Variants in CDKN2B-AS1 observed in about 807,000 individuals in gnomAD.
The protein encoded by CDKN2B-AS1 is CDKN2B and CDKN2A antisense cis and trans regulatory RNA 1.
intron 1 of CDKN2B-AS1, among the ~76,000 whole-genome samples, chr9:22,016,436 G>T (rs910903561): frequency 3.9e-5 from 6 of 152,082 alleles, no homozygotes; most frequent in Non-Finnish European, 5.9e-5. Flanking sequence ...TCACAGAATT[G>T]GAAAAAACTA....
In CDKN2B-AS1 at chr9:22,029,894, A is replaced by G. The variant is rs149253047; in HGVS notation, n.30-16857A>G. ...GGATAATTTAAGTATAGAAAGTAAT[A>G]TTTTCTATATGGGACTATTTCACTC... On this transcript the variant is annotated intron_variant and non_coding_transcript_variant, in intron 1 of 4. Coordinates refer to ENST00000650946, the Ensembl canonical transcript of CDKN2B-AS1. The G allele has an allele frequency of 1.1e-3, 182 of 165,328 alleles. 1 individual carries two copies. Among genetic ancestry groups the G allele is most frequent in the South Asian group, 8.4e-3 (47 of 5,588 alleles). 10.2% of individuals were successfully genotyped at this position (165,328 alleles called of 1,614,324 possible).
chr9:22,007,458 T>A (rs538080076), intron 1 of CDKN2B-AS1, among the ~76,000 whole-genome samples: 1 of 152,334 alleles, frequency 6.6e-6, no homozygotes, highest in Admixed American at 6.5e-5. Flanking sequence ...GCAGGAGTAA[T>A]CCTGTAGCAG....
intron 1 of CDKN2B-AS1, among the ~76,000 whole-genome samples, chr9:22,020,961 C>T (rs1017855743): frequency 5.3e-5 from 8 of 152,180 alleles, no homozygotes; most frequent in Non-Finnish European, 8.8e-5. Flanking sequence ...TACCTATGTT[C>T]TGAATGGTAC....
intron 4 of CDKN2B-AS1, among the ~76,000 whole-genome samples, chr9:22,089,349 A>G (rs1824982636): frequency 6.6e-6 from 1 of 152,350 alleles, no homozygotes; most frequent in South Asian, 2.1e-4. Flanking sequence ...ACAAATGTTA[A>G]AAGAATTAGA....
intron 4 of CDKN2B-AS1, chr9:22,062,081 G>A (rs1823844285): frequency 6.6e-6 from 1 of 152,158 alleles, no homozygotes; most frequent in African/African-American, 2.4e-5. Flanking sequence ...TACTGACGTT[G>A]TGAGTGAAAT....
At chr9:21,998,419 C>T (rs896550542) in intron 1 of CDKN2B-AS1, among the ~76,000 whole-genome samples, 2 of 152,204 alleles carry the variant, frequency 1.3e-5, no homozygotes, top group Non-Finnish European at 1.5e-5. Flanking sequence ...CCTAGAAAGG[C>T]TCAAATCTTG....
At chr9:22,059,062 T>A (rs115574830) in intron 4 of CDKN2B-AS1, 12,658 of 152,474 alleles carry the variant, frequency 0.083, 538 homozygotes, top group Middle Eastern at 0.12. Flanking sequence ...AAGGTGAGAT[T>A]TGGTGGGGAT....
rs188490343 is a variant in CDKN2B-AS1, at chr9:22,028,648, A to G, written n.30-18103A>G. On this transcript the variant is annotated intron_variant and non_coding_transcript_variant, in intron 1 of 4. Transcript: ENST00000650946. ...ATCAAAAGTTAAGAAAAAAATATGAAGGCAATTTTAAGGTGTTTAATTTGG... is the reference window on the plus strand; with the variant it reads ...ATCAAAAGTTAAGAAAAAAATATGAGGGCAATTTTAAGGTGTTTAATTTGG... Among the ~76,000 whole-genome samples, 55 of 152,284 alleles carry G rather than the reference A, an allele frequency of 3.6e-4. No homozygotes were observed. In the East Asian group the frequency reaches 9.5e-3, roughly 26 times the overall value.
At chr9:22,027,365 A>G (rs1336486896) in intron 1 of CDKN2B-AS1, among the ~76,000 whole-genome samples, 1 of 152,196 alleles carries the variant, frequency 6.6e-6, no homozygotes, top group African/African-American at 2.4e-5. Context: ...TAAAATTCAC[A>G]TTCAAATGCA....
At chr9:22,049,259 G>A (rs1395519999) in intron 3 of CDKN2B-AS1, 1 of 152,110 alleles carries the variant, frequency 6.6e-6, no homozygotes, top group African/African-American at 2.4e-5. Flanking sequence ...TTTTAGATAT[G>A]AACCCTAATT....
At chr9:22,045,532 A>G (rs533755381) in intron 1 of CDKN2B-AS1, among the ~76,000 whole-genome samples, 6 of 152,220 alleles carry the variant, frequency 3.9e-5, no homozygotes, top group African/African-American at 1.2e-4. Context: ...GTTTAGCTTC[A>G]CTAAACTAGT....
intron 4 of CDKN2B-AS1, among the ~76,000 whole-genome samples, chr9:22,076,254 A>G (rs1181967982): frequency 6.6e-6 from 1 of 152,072 alleles, no homozygotes; most frequent in African/African-American, 2.4e-5. Context: ...GGGTTTCACC[A>G]TGTTGGCCCG....
At chr9:22,027,485 T>TTC (rs1056999263) in intron 1 of CDKN2B-AS1, among the ~76,000 whole-genome samples, 1 of 152,218 alleles carries the variant, frequency 6.6e-6, no homozygotes, top group African/African-American at 2.4e-5. Flanking sequence ...TCGAAAATTT[T>TTC]TCTCTCTATT....
intron 4 of CDKN2B-AS1, among the ~76,000 whole-genome samples, chr9:22,061,359 T>C (rs1385049727): frequency 6.6e-6 from 1 of 152,154 alleles, no homozygotes; most frequent in Non-Finnish European, 1.5e-5. Context: ...AATAAGCAAA[T>C]AAATTCAATT....
intron 1 of CDKN2B-AS1, chr9:22,046,553 G>T (rs1823116164): frequency 6.6e-6 from 1 of 152,138 alleles, no homozygotes; most frequent in African/African-American, 2.4e-5. Context: ...ATCTGTACTA[G>T]AATTGAAAGG....
chr9:22,060,046 C>A (rs546283256), intron 4 of CDKN2B-AS1, among the ~76,000 whole-genome samples: 1 of 152,274 alleles, frequency 6.6e-6, no homozygotes, highest in East Asian at 1.9e-4. Context: ...ATGGGAGGGG[C>A]TGCCATGAAG....
At chr9:22,109,786 G>A (rs1472188936) in intron 4 of CDKN2B-AS1, among the ~76,000 whole-genome samples, 1 of 152,076 alleles carries the variant, frequency 6.6e-6, no homozygotes, top group Non-Finnish European at 1.5e-5. Context: ...GCTTTATTGT[G>A]GGGAACCTAA....
intron 1 of CDKN2B-AS1, chr9:22,008,737 G>A (rs200266212): frequency 2.5e-6 from 4 of 1,610,586 alleles, no homozygotes; most frequent in South Asian, 2.2e-5. Context: ...GCCCCGATCC[G>A]CCGAGGCCGC....
intron 1 of CDKN2B-AS1, among the ~76,000 whole-genome samples, chr9:22,019,202 C>A (rs1048702192): frequency 1.3e-5 from 2 of 152,164 alleles, no homozygotes; most frequent in East Asian, 3.8e-4. Flanking sequence ...GGACTTTTGT[C>A]TTTATCTTAA....
Sources: allele counts gnomAD v4.1 joint callset (sites outside exome capture counted in the v4.1 genomes callset), GRCh38; gene constraint gnomAD v4.1.1; transcripts MANE v1.5; gene names NCBI Gene and HGNC (gene_info 2026-07-23, HGNC 2026-07-21).